Variants in IFT74 observed in about 807,000 individuals in gnomAD.
IFT74 encodes intraflagellar transport 74.
Under a neutral mutation model 96.7 loss-of-function variants are expected in IFT74, and 92 were observed. The observed-to-expected ratio is 0.95, with a 90% CI of 0.80 to 1.13. IFT74 has a LOEUF of 1.13. IFT74 is among the 50% of genes most tolerant of loss of function. The pLI, the probability that IFT74 is intolerant of heterozygous loss-of-function variation, is 0.00. For missense variants in IFT74, 811 were observed against 698.2 expected (o/e 1.16, Z -1.82); for synonymous variants, 223 against 213.2 (o/e 1.05, Z -0.40).
At chr9:26,998,152 G>A (rs986600085) in intron 8 of IFT74, 2 of 1,606,006 alleles carry the variant, frequency 1.2e-6, no homozygotes, top group African/African-American at 2.7e-5. Flanking sequence ...GAGTAATTTG[G>A]TTATAACTGA....
chr9:26,964,219 G>T (rs1459318108), intron 2 of IFT74, among the ~76,000 whole-genome samples: 1 of 142,564 alleles, frequency 7.0e-6, no homozygotes, highest in African/African-American at 2.6e-5. Flanking sequence ...ATTAAATAGG[G>T]AATCCTTTCC....
chr9:27,040,667 C>T (rs1276248354), intron 13 of IFT74, among the ~76,000 whole-genome samples: 1 of 151,838 alleles, frequency 6.6e-6, no homozygotes, highest in Non-Finnish European at 1.5e-5. Context: ...TTTCTTGCCC[C>T]GTCTCCCTGA....
intron 13 of IFT74, among the ~76,000 whole-genome samples, chr9:27,032,966 A>G (rs901308488): frequency 6.6e-6 from 1 of 152,186 alleles, no homozygotes; most frequent in Non-Finnish European, 1.5e-5. Context: ...TGAATCTGGC[A>G]TGTATTTAAC....
At chr9:27,038,898 T>A (rs980733133) in intron 13 of IFT74, among the ~76,000 whole-genome samples, 2 of 152,232 alleles carry the variant, frequency 1.3e-5, no homozygotes, top group Non-Finnish European at 2.9e-5. Context: ...CAAGAGTTGT[T>A]TGATGCTTCA....
intron 8 of IFT74, among the ~76,000 whole-genome samples, chr9:27,004,496 T>TC (rs1354207569): frequency 6.6e-6 from 1 of 152,230 alleles, no homozygotes; most frequent in African/African-American, 2.4e-5. Context: ...ATGTCGATTA[T>TC]CATGACACTG....
At chr9:26,995,248 T>C (rs1828080024) in intron 8 of IFT74, 1 of 232,984 alleles carries the variant, frequency 4.3e-6, no homozygotes. Flanking sequence ...ATTTAGACCT[T>C]TTTACTAGTT....
At chr9:26,955,131 T>C (rs1826039901), upstream of IFT74, among the ~76,000 whole-genome samples, 1 of 152,178 alleles carries the variant, frequency 6.6e-6, no homozygotes. Context: ...AGAAATCATC[T>C]ATAAATGATA....
Position 26,947,137 on chromosome 9 carries a change from G to C in IFT74, c.-29G>C, listed in dbSNP as rs1364075601. On this transcript the variant is annotated 5_prime_UTR_variant, in exon 1 of 20. Transcript: ENST00000433700. ...AGAGCGCCGGGCCGCGGCGGGAGAA[G>C]AGCCTGCAGGTAAGGGGCGGCCGGA... 3.6e-6 allele frequency: 5 copies of C among 1,370,216 alleles called. No homozygotes were observed. In the East Asian group the frequency reaches 8.8e-5, roughly 24 times the overall value. 84.9% of individuals were successfully genotyped at this position (1,370,216 alleles called of 1,614,324 possible).
chr9:26,982,619 C>A (rs1290551794), intron 4 of IFT74, among the ~76,000 whole-genome samples: 1 of 152,002 alleles, frequency 6.6e-6, no homozygotes, highest in Admixed American at 6.6e-5. Context: ...CCATGCCCAG[C>A]TAATTTTGTA....
intron 4 of IFT74, chr9:26,982,272 C>CT (rs58933452): frequency 4.1e-4 from 128 of 313,332 alleles, no homozygotes; most frequent in Middle Eastern, 8.3e-4. Context: ...AGCTTTTTTT[C>CT]TTTTTTTTTT....
intron 18 of IFT74, among the ~76,000 whole-genome samples, chr9:27,057,845 G>A (rs991792969): frequency 7.9e-5 from 12 of 151,524 alleles, no homozygotes; most frequent in African/African-American, 2.7e-4. Context: ...GTGACAGAGC[G>A]AGACTCTGTC....
rs552152640 is a variant in IFT74 at position 26,966,068 on chromosome 9, G to A, written c.120+3981G>A. 7.9e-5 allele frequency among the ~76,000 whole-genome samples: 12 copies of A among 151,584 alleles called. No homozygotes were observed. The East Asian group carries it at 1.5e-3, about 20-fold the overall frequency. ...TACATGTATACCACATTTTCTTTAC[G>A]TAGCCCTCCATCTCCATTGATGGAC... On this transcript the variant is annotated intron_variant, in intron 2 of 19. Coordinates refer to ENST00000380062, the MANE Select transcript of IFT74 (RefSeq NM_025103.4).
intron 3 of IFT74, among the ~76,000 whole-genome samples, chr9:26,979,438 GA>G (rs1827262479): frequency 6.6e-6 from 1 of 151,908 alleles, no homozygotes; most frequent in Non-Finnish European, 1.5e-5. Context: ...CTTCAAAACA[GA>G]ACCAATATAA....
At chr9:27,017,335 C>T (rs553236233) in intron 11 of IFT74, among the ~76,000 whole-genome samples, 1 of 152,208 alleles carries the variant, frequency 6.6e-6, no homozygotes, top group African/African-American at 2.4e-5. Context: ...TGATCCTCCA[C>T]CTCAGCCTCC....
At chr9:26,972,951 C>G (rs2131510810) in intron 2 of IFT74, among the ~76,000 whole-genome samples, 1 of 152,272 alleles carries the variant, frequency 6.6e-6, no homozygotes, top group African/African-American at 2.4e-5. Flanking sequence ...CATACTGAAG[C>G]AGGCATATTT....
At chr9:27,008,933 A>G (rs972160096) in intron 8 of IFT74, 87 bp from the exon 9 acceptor site, 2 of 1,041,182 alleles carry the variant, frequency 1.9e-6, no homozygotes, top group Admixed American at 5.3e-5. Flanking sequence ...TAAGTATCCT[A>G]TTAAATTAGG....
intron 2 of IFT74, among the ~76,000 whole-genome samples, chr9:26,975,113 A>T (rs1174861056): frequency 6.6e-6 from 1 of 152,102 alleles, no homozygotes; most frequent in Non-Finnish European, 1.5e-5. Flanking sequence ...CAGGGAAAGG[A>T]TCTGGAATGA....
chr9:26,962,763 CAG>C (rs1310076404), intron 2 of IFT74, among the ~76,000 whole-genome samples: 1 of 151,772 alleles, frequency 6.6e-6, no homozygotes, highest in Non-Finnish European at 1.5e-5. Context: ...CTAAACATGA[CAG>C]AAATAACAAG....
intron 2 of IFT74, among the ~76,000 whole-genome samples, chr9:26,963,974 C>T (rs1587242273): frequency 6.6e-6 from 1 of 151,596 alleles, no homozygotes; most frequent in East Asian, 1.9e-4. Flanking sequence ...TTAATGAGAT[C>T]CCATTTGTCA....
Sources: allele counts gnomAD v4.1 joint callset (sites outside exome capture counted in the v4.1 genomes callset), GRCh38; gene constraint gnomAD v4.1.1; transcripts MANE v1.5; gene names NCBI Gene and HGNC (gene_info 2026-07-23, HGNC 2026-07-21).